Variants in RP1 observed in about 807,000 individuals in gnomAD.
RP1 encodes oxygen-regulated protein 1.
RP1 carries 16 observed loss-of-function variants against 14.8 expected under a neutral mutation model. The ratio of observed to expected loss-of-function variants is 1.08; its 90% CI spans 0.73 to 1.65. The LOEUF (loss-of-function observed/expected upper bound fraction) is 1.65, where lower values mean the gene tolerates loss of function less well. RP1 is among the 40% of genes most tolerant of loss of function. RP1 has a pLI of 0.00. For missense variants in RP1, 2,631 were observed against 2,535.0 expected (o/e 1.04, Z -0.81); for synonymous variants, 876 against 883.6 (o/e 0.99, Z 0.15).
intron 15 of RP1, among the ~76,000 whole-genome samples, chr8:54,707,372 C>T (rs1489599229): frequency 6.6e-6 from 1 of 152,164 alleles, no homozygotes; most frequent in Admixed American, 6.5e-5. Context: ...GATCCACTGC[C>T]TTGGCCTCCC....
chr8:54,599,829 G>A (rs1001202355), intron 1 of RP1, among the ~76,000 whole-genome samples: 1 of 152,218 alleles, frequency 6.6e-6, no homozygotes, highest in South Asian at 2.1e-4. Flanking sequence ...TTGCATTCCG[G>A]ACATTTTGGG....
rs939434604 is a variant in RP1 at position 54,628,451 on chromosome 8, A to G, written c.4569A>G (p.Ile1523Met). Residue 1523 changes from isoleucine (I) to methionine (M), a missense_variant, in exon 4 of 4, where the codon ATA becomes ATG. Coordinates refer to ENST00000220676, the MANE Select transcript of RP1 (RefSeq NM_006269.2). ...TGGAAGAAAAAAGAATGAACGGTAT[A>G]ATTTATGAAATAATCAGTAAGAGGC... ...NIMEEKRMNG[I>M]IYEIISKRLA... 1 of 1,613,396 alleles carries G rather than the reference A, an allele frequency of 6.2e-7. No homozygotes were observed. Among genetic ancestry groups the G allele is most frequent in the South Asian group, 1.1e-5 (1 of 90,982 alleles).
chr8:54,564,413 G>C (rs1489267185), intron 1 of RP1, among the ~76,000 whole-genome samples: 1 of 152,196 alleles, frequency 6.6e-6, no homozygotes, highest in Non-Finnish European at 1.5e-5. Context: ...TCTGTAAAAT[G>C]AAGTTTCCTC....
Position 54,625,061 on chromosome 8 carries a change from T to C in RP1, c.1179T>C (p.Pro393=), listed in dbSNP as rs1805991333. The C allele has an allele frequency of 1.2e-6, 2 of 1,614,178 alleles. No individual in the cohort carries two copies. Among genetic ancestry groups the C allele is most frequent in the Non-Finnish European group, 1.7e-6 (2 of 1,180,028 alleles). Residue 393 remains proline, a synonymous_variant, in exon 4 of 4, where the codon CCT becomes CCC. Transcript: ENST00000220676. ...GTTCATTCTCTGCAGATGTGTCACC[T>C]ATGGAGCGAAGCAGTAATCAAGAGG... is the stretch of plus-strand genomic sequence containing the variant. ...AACSFSADVS[P]MERSSNQEGS...
chr8:54,779,786 A>G (rs1302803641), intron 23 of RP1, among the ~76,000 whole-genome samples: 1 of 152,214 alleles, frequency 6.6e-6, no homozygotes, highest in Non-Finnish European at 1.5e-5. Context: ...TGACTCAGTC[A>G]AATCCCCTTG....
At chr8:54,601,572 T>A (rs1359565687) in intron 1 of RP1, among the ~76,000 whole-genome samples, 204 of 109,572 alleles carry the variant, frequency 1.9e-3, no homozygotes, top group Admixed American at 2.4e-3. Context: ...TAAAGTATAA[T>A]AAAAAAAAAC....
In RP1 at chr8:54,723,057, C is replaced by A. The variant is rs1346933037; in HGVS notation, c.2389+2751C>A. On this transcript the variant is annotated intron_variant, in intron 16 of 22. Transcript: ENST00000636932. ...CACACAAGCTCTGAGAGCCAGACTG[C>A]CAGTGTCCAGGTCCTGGGTGCGGGG... Among the ~76,000 whole-genome samples, 3 of 152,136 alleles carry A rather than the reference C, an allele frequency of 2.0e-5. No homozygotes were observed. In the East Asian group the frequency reaches 5.8e-4, roughly 29 times the overall value.
chr8:54,618,341 C>T (rs1001144570), intron 1 of RP1, among the ~76,000 whole-genome samples: 5 of 152,070 alleles, frequency 3.3e-5, no homozygotes, highest in Non-Finnish European at 7.4e-5. Context: ...CCCTCCTGGC[C>T]CCAGCACAAA....
chr8:54,697,197 T>C (rs1470282750), intron 12 of RP1: 5 of 712,474 alleles, frequency 7.0e-6, no homozygotes, highest in Non-Finnish European at 9.8e-6. Context: ...TTTGGGGGAA[T>C]TTTTATCCAG....
At chr8:54,708,748 C>T (rs1276430861) in intron 15 of RP1, among the ~76,000 whole-genome samples, 1 of 148,412 alleles carries the variant, frequency 6.7e-6, no homozygotes, top group African/African-American at 2.5e-5. Flanking sequence ...TGCTGGTTAT[C>T]TTTTTCTTCC....
At chr8:54,582,739 C>A (rs1290141725) in intron 1 of RP1, among the ~76,000 whole-genome samples, 2 of 151,970 alleles carry the variant, frequency 1.3e-5, no homozygotes, top group Non-Finnish European at 1.5e-5. Flanking sequence ...AGTTGGATTC[C>A]TAGGTATTTT....
At chr8:54,816,583 T>C (rs916116658) in intron 24 of RP1, among the ~76,000 whole-genome samples, 1 of 152,228 alleles carries the variant, frequency 6.6e-6, no homozygotes. Flanking sequence ...CTCCTTGCCT[T>C]CATTTCCAAC....
At chr8:54,830,622 T>C (rs551915055) in intron 24 of RP1, among the ~76,000 whole-genome samples, 1 of 152,296 alleles carries the variant, frequency 6.6e-6, no homozygotes, top group East Asian at 1.9e-4. Context: ...TTGTTAGATG[T>C]TACTTTTTAA....
intron 17 of RP1, among the ~76,000 whole-genome samples, chr8:54,726,747 T>C (rs1160006238): frequency 1.3e-5 from 2 of 151,144 alleles, no homozygotes; most frequent in East Asian, 3.8e-4. Context: ...ATAACATCAA[T>C]TGGACTATCA....
rs531531832 is a variant in RP1, at chr8:54,608,474, G to A, written c.-12-12481G>A. ...GCCTGACTAACCAAATGACTTGGCCGAAAGAATAGCATGAGATGGTTTTGC... is the reference window on the plus strand; with the variant it reads ...GCCTGACTAACCAAATGACTTGGCCAAAAGAATAGCATGAGATGGTTTTGC... On this transcript the variant is annotated intron_variant, in intron 1 of 22. Transcript: ENST00000636932. Among the ~76,000 whole-genome samples the A allele has an allele frequency of 5.1e-4, 77 of 152,166 alleles. 1 individual carries two copies. The highest frequency in any genetic ancestry group is 1.2e-3 in the Admixed American group (18 of 15,286).
chr8:54,813,160 C>T (rs919342997), intron 24 of RP1, among the ~76,000 whole-genome samples: 4 of 152,184 alleles, frequency 2.6e-5, no homozygotes, highest in South Asian at 2.1e-4. Flanking sequence ...GAGCAGTTCC[C>T]GAAGTCTAGT....
chr8:54,670,549 A>G (rs13250343), intron 7 of RP1, among the ~76,000 whole-genome samples: 2 of 115,034 alleles, frequency 1.7e-5, no homozygotes, highest in African/African-American at 3.2e-5. Flanking sequence ...ATATGTATGT[A>G]TATGTATATA....
intron 1 of RP1, among the ~76,000 whole-genome samples, chr8:54,594,825 T>C (rs972222691): frequency 5.3e-5 from 8 of 152,172 alleles, no homozygotes; most frequent in Non-Finnish European, 1.2e-4. Context: ...GAAATTTCCA[T>C]TTTTAGAATG....
intron 24 of RP1, among the ~76,000 whole-genome samples, chr8:54,789,578 A>C (rs1232652260): frequency 1.3e-5 from 2 of 152,178 alleles, no homozygotes; most frequent in African/African-American, 4.8e-5. Flanking sequence ...CCTACCGTGA[A>C]GCCCAGTCTA....
Sources: gnomAD v4.1 joint callset for allele counts (sites outside exome capture counted in the v4.1 genomes callset) on GRCh38, gnomAD v4.1.1 for gene constraint, MANE v1.5 for transcripts, NCBI Gene and HGNC (gene_info 2026-07-23, HGNC 2026-07-21) for gene names.